DNMBP: variants seen among roughly 807,000 people sequenced by gnomAD.
DNMBP encodes the protein dynamin binding protein, also known as dynamin-binding protein.
Under a neutral mutation model 150.0 loss-of-function variants are expected in DNMBP, and 87 were observed. The observed-to-expected ratio is 0.58, with a 90% CI of 0.49 to 0.69. DNMBP has a LOEUF of 0.69. Among genes scored for constraint, DNMBP ranks in the 30% least tolerant of loss-of-function variants. The pLI is 0.00. For missense variants in DNMBP, 1,774 were observed against 1,949.0 expected (o/e 0.91, Z 1.69); for synonymous variants, 711 against 750.4 (o/e 0.95, Z 0.86).
chr10:99,925,302 C>T (rs991057916), intron 4 of DNMBP, among the ~76,000 whole-genome samples: 1 of 152,190 alleles, frequency 6.6e-6, no homozygotes, highest in Non-Finnish European at 1.5e-5. Context: ...ATCCTTGACC[C>T]AGTTACCTTG....
At chr10:99,983,288 T>C (rs1021811686) in intron 1 of DNMBP, among the ~76,000 whole-genome samples, 2 of 152,220 alleles carry the variant, frequency 1.3e-5, no homozygotes, top group Non-Finnish European at 2.9e-5. Flanking sequence ...CAACTGCACA[T>C]TTCTCTTGTC....
chr10:99,885,652 C>T (rs752127651), intron 14 of DNMBP, 35 bp downstream of exon 14: 14 of 1,532,404 alleles, frequency 9.1e-6, no homozygotes, highest in African/African-American at 1.4e-5. Flanking sequence ...CTCTTTACCC[C>T]GAGGCGGGGC....
At chr10:100,000,859 CAAAA>C (rs36026874) in intron 1 of DNMBP, among the ~76,000 whole-genome samples, 158 of 52,520 alleles carry the variant, frequency 3.0e-3, no homozygotes, top group African/African-American at 8.0e-3. Context: ...CCTGTTATGG[CAAAA>C]AAAAAAAAAA....
chr10:99,957,120 A>G lies in DNMBP; in HGVS notation c.354T>C (p.Ser118=), dbSNP rs2040508302. The part of the protein sequence containing the change: ...SCWGARGFFP[S]SCVRELCLSS... ...AGAGGCAGAGCTCGCGGACACATGA[A>G]GATGGGAAGAAGCCCCGTGCGCCCC... Residue 118 remains serine, a synonymous_variant, in exon 4 of 17, where the codon TCT becomes TCC. Coordinates refer to ENST00000324109, the MANE Select transcript of DNMBP (RefSeq NM_015221.4). 2 of 1,613,812 alleles carry G rather than the reference A, an allele frequency of 1.2e-6. No homozygotes were observed. The highest frequency in any genetic ancestry group is 2.2e-5 in the South Asian group (2 of 91,092).
At chr10:99,991,148 G>A (rs1404084023) in intron 1 of DNMBP, among the ~76,000 whole-genome samples, 3 of 150,346 alleles carry the variant, frequency 2.0e-5, no homozygotes, top group Non-Finnish European at 4.4e-5. Context: ...GCGTGATCTC[G>A]GCTCACTGCA....
rs1262612216 is a variant in DNMBP at position 99,955,655 on chromosome 10, C to T, written c.1819G>A (p.Ala607Thr). ...TEQELPERRK[A>T]LRPPPPRPCT... ...GGACGAGGTGGCGGTGGCCTTAGGGCCTTTCTCCTTTCCGGCAGCTCCTGC... is the reference window on the plus strand; with the variant it reads ...GGACGAGGTGGCGGTGGCCTTAGGGTCTTTCTCCTTTCCGGCAGCTCCTGC... The change falls in exon 4 of 17, where the codon GCC (alanine) becomes ACC (threonine). Residue 607 changes from alanine to threonine, a missense_variant. Around this residue, in one of 2 missense-constraint regions of DNMBP, gnomAD observed 1,430 missense variants for 1,492.5 expected, o/e 0.96. Transcript: ENST00000324109. 3 of 1,614,042 alleles carry T rather than the reference C, an allele frequency of 1.9e-6. No homozygotes were observed. The African/African-American group carries it at 4.0e-5, about 22-fold the overall frequency.
intron 4 of DNMBP, among the ~76,000 whole-genome samples, chr10:99,935,066 T>C (rs1261461147): frequency 1.0e-5 from 1 of 99,200 alleles, no homozygotes; most frequent in Non-Finnish European, 1.8e-5. Context: ...GCCTTGGTGA[T>C]AGGGTGAGAC....
rs372135349 is a variant in DNMBP, at chr10:99,908,052, T to C, written c.2497A>G (p.Met833Val). The change falls in exon 6 of 17, where the codon ATG (methionine) becomes GTG (valine). Residue 833 changes from methionine (M) to valine (V), a missense_variant. Transcript: ENST00000324109. The stretch of plus-strand genomic sequence containing the variant: ...AATTGCTTCGAGACCTTAATCACCA[T>C]CTGCATATTTCCAAAAAGTCCCTCA... ...DFEGLFGNMQ[M>V]VIKVSKQLLA... is the part of the protein sequence containing the mutation. 6.8e-6 allele frequency: 11 copies of C among 1,614,078 alleles called. No individual in the cohort carries two copies. The highest frequency in any genetic ancestry group is 8.5e-6 in the Non-Finnish European group (10 of 1,179,974).
chr10:99,941,268 C>A (rs1312569364), intron 4 of DNMBP, among the ~76,000 whole-genome samples: 1 of 152,202 alleles, frequency 6.6e-6, no homozygotes, highest in African/African-American at 2.4e-5. Flanking sequence ...GCCCATCTCC[C>A]TTGTCTTCCA....
intron 6 of DNMBP, among the ~76,000 whole-genome samples, chr10:99,904,792 A>AT: frequency 6.6e-6 from 1 of 152,332 alleles, no homozygotes; most frequent in Non-Finnish European, 1.5e-5. Context: ...AAATAAATGC[A>AT]GGTGCTATCT....
chr10:99,930,810 C>T (rs998237993), intron 4 of DNMBP: 1 of 619,718 alleles, frequency 1.6e-6, no homozygotes. Context: ...TTTCCATGGG[C>T]CTGGGCTGGG....
chr10:99,886,223 C>A, intron 13 of DNMBP, 77 bp downstream of exon 13: 1 of 1,259,058 alleles, frequency 7.9e-7, no homozygotes. Context: ...TTTTTCAAAC[C>A]ATGCTACCAT....
chr10:99,964,770 C>T (rs1165066695), intron 3 of DNMBP, among the ~76,000 whole-genome samples: 1 of 151,460 alleles, frequency 6.6e-6, no homozygotes, highest in Non-Finnish European at 1.5e-5. Flanking sequence ...ATTCGGGAGG[C>T]TAAGGCATGA....
intron 7 of DNMBP, among the ~76,000 whole-genome samples, chr10:99,899,419 C>T (rs1419036064): frequency 1.3e-5 from 2 of 151,938 alleles, no homozygotes; most frequent in African/African-American, 4.8e-5. Context: ...GTGGCCAACA[C>T]GGTGAAACCC....
At chr10:99,996,992 C>T (rs1231423097) in intron 1 of DNMBP, among the ~76,000 whole-genome samples, 1 of 151,822 alleles carries the variant, frequency 6.6e-6, no homozygotes, top group African/African-American at 2.4e-5. Flanking sequence ...GTAATTAAAA[C>T]TATGGGTTTG....
chr10:99,950,921 C>T (rs1349929021), intron 4 of DNMBP, among the ~76,000 whole-genome samples: 1 of 152,220 alleles, frequency 6.6e-6, no homozygotes, highest in Admixed American at 6.5e-5. Context: ...ATGTTAATCC[C>T]CAAGACAATG....
At chr10:99,903,743 A>G (rs925667475) in intron 6 of DNMBP, among the ~76,000 whole-genome samples, 3 of 152,186 alleles carry the variant, frequency 2.0e-5, no homozygotes, top group Non-Finnish European at 4.4e-5. Context: ...GCATTCTTAG[A>G]ATCTTCACCA....
At chr10:99,893,275 C>T (rs1245704376) in intron 11 of DNMBP, among the ~76,000 whole-genome samples, 1 of 152,130 alleles carries the variant, frequency 6.6e-6, no homozygotes, top group African/African-American at 2.4e-5. Context: ...GTACACTGGC[C>T]TTCAGACAGA....
At chr10:99,903,587 C>T (rs1464696187) in intron 6 of DNMBP, among the ~76,000 whole-genome samples, 1 of 152,202 alleles carries the variant, frequency 6.6e-6, no homozygotes, top group East Asian at 1.9e-4. Context: ...CCACCTTGGC[C>T]TCCCAAAGTG....
Sources: allele counts gnomAD v4.1 joint callset (sites outside exome capture counted in the v4.1 genomes callset), GRCh38; gene constraint gnomAD v4.1.1; regional missense constraint gnomAD v4.1.1; transcripts MANE v1.5; gene names NCBI Gene and HGNC (gene_info 2026-07-23, HGNC 2026-07-21).